Variants in ARHGAP8 observed in about 807,000 individuals in gnomAD.
ARHGAP8 encodes Rho GTPase activating protein 8.
In ARHGAP8, 62 loss-of-function variants were observed where a neutral mutation model predicts 46.1. The observed-to-expected ratio is 1.34, with a 90% CI of 1.10 to 1.66. ARHGAP8 has a LOEUF of 1.66. ARHGAP8 is among the 40% of genes most tolerant of loss of function. The pLI, the probability that ARHGAP8 is intolerant of heterozygous loss-of-function variation, is 0.00. For synonymous variants in ARHGAP8, 375 were observed against 243.1 expected (o/e 1.54, Z -5.05); for missense variants, 923 against 568.4 (o/e 1.62, Z -6.34).
At chr22:44,859,966 C>A (rs748779939) in intron 11 of ARHGAP8, 132 bp downstream of exon 11, 5 of 1,097,884 alleles carry the variant, frequency 4.6e-6, no homozygotes, top group African/African-American at 3.2e-5. Flanking sequence ...ATACCACTCC[C>A]TGCCCCCCAA....
At chr22:44,787,929 TTTTTTTTTTTTC>T (rs1364839007) in intron 2 of ARHGAP8, among the ~76,000 whole-genome samples, 1 of 136,132 alleles carries the variant, frequency 7.3e-6, no homozygotes, top group Admixed American at 7.2e-5. Context: ...CTTTTTTTTT[TTTTTTTTTTTTC>T]CCCCCAAATG....
intron 7 of ARHGAP8, among the ~76,000 whole-genome samples, chr22:44,839,357 A>G (rs1321483226): frequency 6.6e-6 from 1 of 152,218 alleles, no homozygotes; most frequent in African/African-American, 2.4e-5. Flanking sequence ...AATTGCCATG[A>G]AACCAAACCA....
intron 5 of ARHGAP8, among the ~76,000 whole-genome samples, chr22:44,821,052 A>G (rs904746743): frequency 6.6e-6 from 1 of 152,254 alleles, no homozygotes; most frequent in African/African-American, 2.4e-5. Flanking sequence ...TCAAATTGTC[A>G]TAAAATAACA....
At chr22:44,858,551 T>TTTTTTTA (rs397964298) in intron 10 of ARHGAP8, among the ~76,000 whole-genome samples, 1 of 117,912 alleles carries the variant, frequency 8.5e-6, no homozygotes, top group African/African-American at 3.6e-5. Flanking sequence ...TTTTTTTTTT[T>TTTTTTTA]AAGTAACAGG....
At chr22:44,823,152 A>G (rs1344858142) in intron 6 of ARHGAP8, among the ~76,000 whole-genome samples, 2 of 152,190 alleles carry the variant, frequency 1.3e-5, no homozygotes, top group African/African-American at 4.8e-5. Context: ...TTCTCTCCGG[A>G]CGCCAAGTCA....
intron 1 of ARHGAP8, among the ~76,000 whole-genome samples, chr22:44,765,707 G>T (rs1925502482): frequency 6.6e-6 from 1 of 152,222 alleles, no homozygotes; most frequent in Non-Finnish European, 1.5e-5. Flanking sequence ...CGTCACCTCT[G>T]CATCTGGAAG....
At chr22:44,772,352 C>CT (rs58041776) in intron 1 of ARHGAP8, among the ~76,000 whole-genome samples, 6,097 of 92,362 alleles carry the variant, frequency 0.066, 752 homozygotes, top group African/African-American at 0.19. Flanking sequence ...TTTCTTTTTT[C>CT]TTTTTTTTTT....
At position 44,862,610 on chromosome 22, in the gene ARHGAP8, T is replaced by C. The variant is rs562259766; in HGVS notation, c.*15T>C. On this transcript the variant is annotated 3_prime_UTR_variant, in exon 12 of 12. Transcript: ENST00000356099. ...GACGTCTCTAGTGTTGCGAACACTC[T>C]GTATATTTCGAGCTACCTCCCACAC... is the stretch of plus-strand genomic sequence containing the variant. 36 of 1,357,592 alleles carry C rather than the reference T, an allele frequency of 2.7e-5. No individual in the cohort carries two copies. In the East Asian group the frequency reaches 1.9e-3, roughly 70 times the overall value. The allele number at this position is 1,357,592 out of a possible 1,614,324, so 84.1% of individuals were successfully genotyped here. A position where few individuals can be genotyped will look rare whatever the true frequency, so the allele number is the denominator to read the frequency against.
intron 11 of ARHGAP8, among the ~76,000 whole-genome samples, chr22:44,860,831 C>T (rs529788108): frequency 3.3e-5 from 5 of 152,328 alleles, no homozygotes; most frequent in South Asian, 2.1e-4. Flanking sequence ...GTTTAACCCC[C>T]TCCATCTCTC....
In ARHGAP8 at chr22:44,787,031, AAAAAAC is replaced by A. The variant is rs1292559896; in HGVS notation, c.79+431_79+436del. 5.4e-4 allele frequency among the ~76,000 whole-genome samples: 38 copies of A among 70,834 alleles called. 1 individual carries two copies. The highest frequency in any genetic ancestry group is 1.7e-3 in the African/African-American group (37 of 22,288). 46.5% of individuals were successfully genotyped at this position (70,834 alleles called of 152,430 possible). ...GACAGAGTGGTGAGACCCTGTCTCA[AAAAAAC>A]AAAAAAAAAAAAAAGAAAGAAGTAA... is the stretch of plus-strand genomic sequence containing the variant. On this transcript the variant is annotated intron_variant, in intron 2 of 11. Coordinates refer to ENST00000356099, the MANE Select transcript of ARHGAP8 (RefSeq NM_181335.3).
chr22:44,808,173 C>A, intron 3 of ARHGAP8, 134 bp from the exon 4 acceptor site: 1 of 1,352,990 alleles, frequency 7.4e-7, no homozygotes, highest in Non-Finnish European at 9.9e-7. Context: ...CCGGGGCCCA[C>A]GGTGCATGGA....
At chr22:44,786,146 G>A in intron 1 of ARHGAP8, 1 of 484,172 alleles carries the variant, frequency 2.1e-6, no homozygotes, top group Non-Finnish European at 3.7e-6. Flanking sequence ...TCGCATAGTG[G>A]GTGCTCGGCT....
intron 7 of ARHGAP8, among the ~76,000 whole-genome samples, chr22:44,830,897 T>C (rs1930899429): frequency 6.6e-6 from 1 of 152,206 alleles, no homozygotes; most frequent in Admixed American, 6.5e-5. Context: ...CATTATAGTT[T>C]TGTTTCACAT....
intron 1 of ARHGAP8, among the ~76,000 whole-genome samples, chr22:44,772,253 T>TTTTTTTTTTTC (rs1555909610): frequency 4.1e-5 from 3 of 73,254 alleles, no homozygotes; most frequent in African/African-American, 9.6e-5. Context: ...TTTTTTTTTT[T>TTTTTTTTTTTC]CAAGACTGAG....
In ARHGAP8 at chr22:44,847,975, C is replaced by G. The variant is rs761547323; in HGVS notation, c.673C>G (p.Leu225Val). The change falls in exon 9 of 12, where the codon CTG (leucine) becomes GTG (valine). Residue 225 changes from leucine to valine, a missense_variant and splice_region_variant. Transcript: ENST00000356099. ...FTVTYLREKG[L>V]RTEGLFRRSA... Reference sequence around the variant, plus strand: ...GCCTGGAAGCTCCTCTCCTGCAGGCCTGCGCACCGAGGGCCTGTTCCGGAG... The same window carrying G: ...GCCTGGAAGCTCCTCTCCTGCAGGCGTGCGCACCGAGGGCCTGTTCCGGAG... 10 of 1,607,342 alleles carry G rather than the reference C, an allele frequency of 6.2e-6. No homozygotes were observed. The South Asian group carries it at 1.1e-4, about 18-fold the overall frequency.
rs761837941 is a variant in ARHGAP8, at chr22:44,862,506, C to G, written c.1213C>G (p.Gln405Glu). 6.2e-7 allele frequency: 1 copy of G among 1,613,320 alleles called. No homozygotes were observed. Among genetic ancestry groups the G allele is most frequent in the Non-Finnish European group, 8.5e-7 (1 of 1,179,408 alleles). The change falls in exon 12 of 12, where the codon CAG (glutamine) becomes GAG (glutamate). Residue 405 changes from glutamine (Q) to glutamate (E), a missense_variant. Physicochemically the swap from Gln to Glu is conservative, Grantham distance 29. Transcript: ENST00000356099. ...WEQGSRAAPL[Q>E]EAVPRTQATG... is the part of the protein sequence containing the mutation. ...ACAGGGGAGCAGGGCAGCCCCTTTG[C>G]AGGAGGCTGTGCCACGGACACAAGC...
chr22:44,860,554 G>A (rs961165526), intron 11 of ARHGAP8, among the ~76,000 whole-genome samples: 2 of 86,822 alleles, frequency 2.3e-5, no homozygotes, highest in Admixed American at 1.2e-4. Context: ...GATCCTCAAC[G>A]ACAGCTGCAA....
chr22:44,821,587 A>G (rs758297215), intron 5 of ARHGAP8, among the ~76,000 whole-genome samples: 83 of 152,368 alleles, frequency 5.4e-4, no homozygotes, highest in South Asian at 1.2e-3. Context: ...GCTCGCATCC[A>G]TCTGTCAATG....
chr22:44,856,727 A>G (rs1419261678), intron 10 of ARHGAP8, among the ~76,000 whole-genome samples: 3 of 143,992 alleles, frequency 2.1e-5, no homozygotes, highest in Admixed American at 1.3e-4. Flanking sequence ...GACCCAAGAG[A>G]CAGAGACAAA....
Sources: allele counts gnomAD v4.1 joint callset (sites outside exome capture counted in the v4.1 genomes callset), GRCh38; gene constraint gnomAD v4.1.1; transcripts MANE v1.5; gene names NCBI Gene and HGNC (gene_info 2026-07-23, HGNC 2026-07-21).